The following USP24 variants were observed in gnomAD, a reference collection of about 807,000 sequenced individuals.
USP24 encodes ubiquitin carboxyl-terminal hydrolase 24.
Under a neutral mutation model 361.6 loss-of-function variants are expected in USP24, and 97 were observed. That is an observed-to-expected ratio of 0.27 (90% CI 0.23 to 0.32). The LOEUF (loss-of-function observed/expected upper bound fraction) is 0.32, where lower values mean the gene tolerates loss of function less well. Among genes scored for constraint, USP24 ranks in the 10% least tolerant of loss-of-function variants. The probability of loss-of-function intolerance (pLI) is 1.00; values close to 1 mark genes in which losing one functional copy is unlikely to be tolerated. For synonymous variants in USP24, 1,098 were observed against 1,124.6 expected (o/e 0.98, Z 0.47); for missense variants, 2,353 against 3,165.6 (o/e 0.74, Z 6.16).
chr1:55,212,603 G>A (rs1644874050), intron 1 of USP24, among the ~76,000 whole-genome samples: 1 of 152,164 alleles, frequency 6.6e-6, no homozygotes, highest in Non-Finnish European at 1.5e-5. Flanking sequence ...CACCAAGGAT[G>A]ACCAAGAAGT....
intron 3 of USP24, among the ~76,000 whole-genome samples, chr1:55,175,129 T>A (rs888749725): frequency 6.2e-4 from 94 of 151,832 alleles, no homozygotes; most frequent in East Asian, 3.9e-4. Flanking sequence ...ATATATATAT[T>A]TTTTAAGGCT....
intron 5 of USP24, among the ~76,000 whole-genome samples, chr1:55,167,663 G>A (rs1649021084): frequency 6.6e-6 from 1 of 152,182 alleles, no homozygotes; most frequent in South Asian, 2.1e-4. Flanking sequence ...TCACAGCTGT[G>A]TGTGGAGAAG....
At chr1:55,166,409 T>C (rs2100782900) in intron 6 of USP24, among the ~76,000 whole-genome samples, 159 bp downstream of exon 6, 1 of 152,238 alleles carries the variant, frequency 6.6e-6, no homozygotes, top group East Asian at 1.9e-4. Flanking sequence ...CTGCTAGTAT[T>C]GTACATACAA....
Position 55,146,199 on chromosome 1 carries a change from T to G in USP24, c.2251-90A>C. On this transcript the variant is annotated intron_variant, in intron 19 of 67. Coordinates refer to ENST00000294383, the MANE Select transcript of USP24 (RefSeq NM_015306.3). ...CTGGAAAAGTAAAGATACATTTTAA[T>G]ACTTCAAATGTTTATACTGTCAAAA... 5 of 888,736 alleles carry G rather than the reference T, an allele frequency of 5.6e-6. No homozygotes were observed. The South Asian group carries it at 8.2e-5, about 14-fold the overall frequency. 55.1% of individuals were successfully genotyped at this position (888,736 alleles called of 1,614,324 possible).
rs1295040784 is a variant in USP24 at position 55,068,833 on chromosome 1, C to T, written c.*212G>A. The T allele has an allele frequency of 7.0e-6, 4 of 572,714 alleles. No homozygotes were observed. Among genetic ancestry groups the T allele is most frequent in the Non-Finnish European group, 1.2e-5 (4 of 324,728 alleles). The allele number at this position is 572,714 out of a possible 1,614,324, so 35.5% of individuals were successfully genotyped here. A position where few individuals can be genotyped will look rare whatever the true frequency, so the allele number is the denominator to read the frequency against. On this transcript the variant is annotated 3_prime_UTR_variant, in exon 68 of 68. Transcript: ENST00000294383. ...AGACCACGCTCCCGGGACAGCTGAT[C>T]CACATGCCGGAGTTCTCCCACTGCC...
At chr1:55,151,182 TA>T (rs34866370) in intron 16 of USP24, among the ~76,000 whole-genome samples, 99,738 of 152,034 alleles carry the variant, frequency 0.66, 36,061 homozygotes, top group East Asian at 0.9. Flanking sequence ...TCTAAGTATT[TA>T]AAAAAAGCTT....
chr1:55,179,569 G>T (rs907139569), intron 1 of USP24, among the ~76,000 whole-genome samples: 3 of 151,776 alleles, frequency 2.0e-5, no homozygotes, highest in Non-Finnish European at 2.9e-5. Context: ...GTAAATCCTG[G>T]TCCCCTTCTT....
intron 50 of USP24, 110 bp downstream of exon 50, chr1:55,096,388 C>T: frequency 2.1e-6 from 2 of 939,398 alleles, no homozygotes; most frequent in Non-Finnish European, 2.9e-6. Context: ...AACAGTAGTA[C>T]AATAAAAATA....
intron 1 of USP24, among the ~76,000 whole-genome samples, chr1:55,208,464 C>T (rs1644766193): frequency 6.6e-6 from 1 of 151,576 alleles, no homozygotes. Flanking sequence ...CCCGTCTCTA[C>T]TGAAAATATG....
intron 63 of USP24, among the ~76,000 whole-genome samples, chr1:55,074,625 C>T (rs1044711304): frequency 6.8e-6 from 1 of 146,916 alleles, no homozygotes; most frequent in Admixed American, 7.0e-5. Flanking sequence ...CAAAGTGAGA[C>T]CCTGTCTCAA....
rs1478150586 is a variant in USP24 at position 55,132,695 on chromosome 1, T to C, written c.3387A>G (p.Thr1129=). Residue 1129 remains threonine, a synonymous_variant, in exon 31 of 68, where the codon ACA becomes ACG. Transcript: ENST00000294383. ...ACTGAGAACTTGATTCAGACAGCAA[T>C]GTTTTCTAAGTTTAAGAGAATGAGA... ...DQLDSLGRKK[T]LLSESSSQSS... 1.1e-5 allele frequency: 18 copies of C among 1,612,396 alleles called. No homozygotes were observed. Among genetic ancestry groups the C allele is most frequent in the African/African-American group, 1.3e-5 (1 of 74,880 alleles).
intron 1 of USP24, among the ~76,000 whole-genome samples, chr1:55,206,249 T>C (rs1402684962): frequency 6.6e-6 from 1 of 152,240 alleles, no homozygotes; most frequent in African/African-American, 2.4e-5. Context: ...TAATGGGAAT[T>C]ATCAATACAC....
intron 1 of USP24, among the ~76,000 whole-genome samples, chr1:55,196,524 A>G (rs1644423324): frequency 2.0e-5 from 3 of 151,988 alleles, no homozygotes; most frequent in Non-Finnish European, 4.4e-5. Context: ...CGCCCCCCCA[A>G]TAGAGTTATA....
At chr1:55,090,902 C>T (rs1327505530) in intron 54 of USP24, among the ~76,000 whole-genome samples, 1 of 152,130 alleles carries the variant, frequency 6.6e-6, no homozygotes, top group African/African-American at 2.4e-5. Flanking sequence ...TTGCTCAACA[C>T]GGCGAAACCC....
intron 38 of USP24, among the ~76,000 whole-genome samples, chr1:55,113,812 T>G (rs1646025280): frequency 6.6e-6 from 1 of 152,204 alleles, no homozygotes; most frequent in African/African-American, 2.4e-5. Context: ...TCATACTGAA[T>G]GGGCAAAAGC....
At chr1:55,089,320 C>A (rs1645323387) in intron 55 of USP24, among the ~76,000 whole-genome samples, 1 of 152,132 alleles carries the variant, frequency 6.6e-6, no homozygotes, top group Admixed American at 6.5e-5. Context: ...GATTCCGAGT[C>A]CCTGAGGGAA....
chr1:55,111,200 C>A (rs1176527037), intron 38 of USP24, among the ~76,000 whole-genome samples: 2 of 151,558 alleles, frequency 1.3e-5, no homozygotes, highest in African/African-American at 4.9e-5. Flanking sequence ...ATGTACCAAA[C>A]TTAGGCATTA....
At chr1:55,129,687 C>A in intron 31 of USP24, 113 bp from the exon 32 acceptor site, 3 of 692,438 alleles carry the variant, frequency 4.3e-6, no homozygotes, top group Non-Finnish European at 2.4e-6. Flanking sequence ...ATGTTGCACA[C>A]TGTTTTTCCC....
At chr1:55,209,991 C>T (rs1010753393) in intron 1 of USP24, among the ~76,000 whole-genome samples, 10 of 152,076 alleles carry the variant, frequency 6.6e-5, no homozygotes, top group African/African-American at 2.2e-4. Context: ...CCTCAAATTG[C>T]TAAAACATTA....
Sources: gnomAD v4.1 joint callset for allele counts (sites outside exome capture counted in the v4.1 genomes callset) on GRCh38, gnomAD v4.1.1 for gene constraint, MANE v1.5 for transcripts, NCBI Gene and HGNC (gene_info 2026-07-23, HGNC 2026-07-21) for gene names.